SLC19A1: variants seen among roughly 807,000 people sequenced by gnomAD.
SLC19A1 encodes the protein solute carrier family 19 member 1.
In SLC19A1, 37 loss-of-function variants were observed where a neutral mutation model predicts 35.3. That is an observed-to-expected ratio of 1.05 (90% CI 0.81 to 1.38). The LOEUF (loss-of-function observed/expected upper bound fraction) is 1.38. SLC19A1 is among the 40% of genes most tolerant of loss of function. The pLI is 0.00. For missense variants in SLC19A1, 831 were observed against 826.9 expected (o/e 1.00, Z -0.06); for synonymous variants, 460 against 398.5 (o/e 1.15, Z -1.84).
At chr21:45,531,159 C>A (rs187964039) in intron 3 of SLC19A1, among the ~76,000 whole-genome samples, 188 bp from the exon 4 acceptor site, 67 of 124 alleles carry the variant, frequency 0.54, 11 homozygotes, top group African/African-American at 0.58. Context: ...GGGCAGGGGG[C>A]GGGGAGGGGG....
At chr21:45,546,406 G>T (rs535203980), upstream of SLC19A1, among the ~76,000 whole-genome samples, 1 of 152,222 alleles carries the variant, frequency 6.6e-6, no homozygotes, top group African/African-American at 2.4e-5. Context: ...TCCCTGGAAG[G>T]GTGTCCCACC....
At chr21:45,505,846 C>G (rs1291292621) in intron 3 of SLC19A1, 3 of 1,609,036 alleles carry the variant, frequency 1.9e-6, no homozygotes, top group Non-Finnish European at 1.7e-6. Flanking sequence ...AGGTGAGGCT[C>G]TGGGCTACAC....
intron 1 of SLC19A1, among the ~76,000 whole-genome samples, chr21:45,557,734 C>T (rs1428985198): frequency 2.0e-5 from 3 of 152,178 alleles, no homozygotes; most frequent in African/African-American, 7.2e-5. Context: ...GTGTCCTGCG[C>T]TCTGGTGACT....
At chr21:45,528,182 C>T (rs949987137) in intron 4 of SLC19A1, among the ~76,000 whole-genome samples, 3 of 151,760 alleles carry the variant, frequency 2.0e-5, no homozygotes, top group Non-Finnish European at 2.9e-5. Flanking sequence ...GAAGGGCAGA[C>T]GAACAACAGG....
chr21:45,518,590 TAAAG>T (rs1406875856), intron 5 of SLC19A1, among the ~76,000 whole-genome samples: 1 of 151,866 alleles, frequency 6.6e-6, no homozygotes, highest in Non-Finnish European at 1.5e-5. Flanking sequence ...ACGATAAAAA[TAAAG>T]AAAAAATCTT....
intron 3 of SLC19A1, chr21:45,503,817 AAAAT>A (rs1420116751): frequency 3.1e-5 from 12 of 381,284 alleles, no homozygotes. Flanking sequence ...AAATAAAATA[AAAAT>A]AAAAAGGCAC....
chr21:45,523,657 G>C (rs1160291681), intron 5 of SLC19A1, among the ~76,000 whole-genome samples: 5 of 152,214 alleles, frequency 3.3e-5, no homozygotes, highest in African/African-American at 1.2e-4. Flanking sequence ...GGCTGAACAA[G>C]AGGCAGTCAC....
Position 45,515,900 on chromosome 21 carries a change from C to G in SLC19A1, c.1534G>C (p.Gly512Arg), listed in dbSNP as rs1303937194. Reference protein sequence around the residue: ...LSPEDSLGAVGPASLEQRQSD... With the variant: ...LSPEDSLGAVRPASLEQRQSD... ...TGTCTCTGCTCCAGGGAGGCTGGCCCCACAGCCCCCAGGCTGTCTTCTGGG... is the reference window on the plus strand; with the variant it reads ...TGTCTCTGCTCCAGGGAGGCTGGCCGCACAGCCCCCAGGCTGTCTTCTGGG... Residue 512 changes from glycine (G) to arginine (R), a missense_variant, in exon 6 of 6, where the codon GGG becomes CGG. Coordinates refer to ENST00000311124, the MANE Select transcript of SLC19A1 (RefSeq NM_194255.4). 7.1e-6 allele frequency: 11 copies of G among 1,553,248 alleles called. No homozygotes were observed. Among genetic ancestry groups the G allele is most frequent in the South Asian group, 1.2e-5 (1 of 83,424 alleles).
chr21:45,513,448 G>A lies in SLC19A1; in HGVS notation c.*2210C>T, dbSNP rs1034401851. 6.6e-6 allele frequency: 1 copy of A among 152,212 alleles called. No homozygotes were observed. Among genetic ancestry groups the A allele is most frequent in the Non-Finnish European group, 1.5e-5 (1 of 68,050 alleles). The allele number at this position is 152,212 out of a possible 1,614,324, so 9.4% of individuals were successfully genotyped here. A position where few individuals can be genotyped will look rare whatever the true frequency, so the allele number is the denominator to read the frequency against. ...CTTGGGACTGAAGGGGAACCCCGGG[G>A]TGCCCACAGGCCGCCCTGCGGGTGA... On this transcript the variant is annotated 3_prime_UTR_variant, in exon 6 of 6. Coordinates refer to ENST00000311124, the MANE Select transcript of SLC19A1 (RefSeq NM_194255.4).
chr21:45,555,871 C>T (rs891764956), intron 1 of SLC19A1, among the ~76,000 whole-genome samples: 3 of 152,148 alleles, frequency 2.0e-5, no homozygotes, highest in African/African-American at 4.8e-5. Context: ...TCCCTGCGGG[C>T]CCAGTGAGTG....
chr21:45,503,715 A>G (rs1211695206), intron 3 of SLC19A1, among the ~76,000 whole-genome samples: 1 of 151,924 alleles, frequency 6.6e-6, no homozygotes, highest in Non-Finnish European at 1.5e-5. Flanking sequence ...GCAGCACACC[A>G]GCATGGCACA....
At chr21:45,545,386 C>G (rs899075335), upstream of SLC19A1, among the ~76,000 whole-genome samples, 3 of 151,884 alleles carry the variant, frequency 2.0e-5, no homozygotes, top group Non-Finnish European at 1.5e-5. Context: ...CCCCCTTGCC[C>G]TCCCCTCCTC....
chr21:45,537,831 T>C lies in SLC19A1; in HGVS notation c.129A>G (p.Pro43=), dbSNP rs1169444654. 2.5e-6 allele frequency: 4 copies of C among 1,599,398 alleles called. No individual in the cohort carries two copies. Among genetic ancestry groups the C allele is most frequent in the African/African-American group, 1.4e-5 (1 of 72,176 alleles). ...CFYGFMAQIR[P]GESFITPYLL... ...GGTAGGGGGTGATGAAGCTCTCCCCTGGCCGTATCTGCGCCATGAAGCCGT... is the reference window on the plus strand; with the variant it reads ...GGTAGGGGGTGATGAAGCTCTCCCCCGGCCGTATCTGCGCCATGAAGCCGT... Residue 43 remains proline, a synonymous_variant, in exon 2 of 6, where the codon CCA becomes CCG. Coordinates refer to ENST00000311124, the MANE Select transcript of SLC19A1 (RefSeq NM_194255.4).
rs1430991326 is a variant in SLC19A1 at position 45,531,474 on chromosome 21, C to T, written c.864G>A (p.Val288=). 17 of 1,612,706 alleles carry T rather than the reference C, an allele frequency of 1.1e-5. No individual in the cohort carries two copies. Among genetic ancestry groups the T allele is most frequent in the Non-Finnish European group, 1.4e-5 (17 of 1,179,722 alleles). The change falls in exon 3 of 6, where the codon GTG becomes GTA. Residue 288 remains valine, a synonymous_variant. Transcript: ENST00000311124. ...SAGYYLVVYY[V]HILWNEVDPT... ...GGTCCACCTCGTTCCACAGGATGTG[C>T]ACGTAGTAGACCACCAGGTAGTAGC...
rs1425047356 is a variant in SLC19A1, at chr21:45,530,308, G to C, written c.1151+462C>G. Among the ~76,000 whole-genome samples the C allele has an allele frequency of 6.6e-6, 1 of 151,176 alleles. No individual in the cohort carries two copies. The highest frequency in any genetic ancestry group is 1.5e-5 in the Non-Finnish European group (1 of 67,818). On this transcript the variant is annotated intron_variant, in intron 4 of 5. Transcript: ENST00000311124. The surrounding 1 kb of genome is among the most constrained non-coding windows in gnomAD (Gnocchi z 5.3). ...TTGTCCATGTGTGCACGTGTGGTAT[G>C]TGTTCATGAGTGTGTGGTGAGTGTC...
At position 45,531,583 on chromosome 21, in the gene SLC19A1, G is replaced by A. The variant is rs947574093; in HGVS notation, c.755C>T (p.Ala252Val). The change falls in exon 3 of 6, where the codon GCG (alanine) becomes GTG (valine). Residue 252 changes from alanine (A) to valine (V), a missense_variant. Ala to Val is a moderately conservative substitution (Grantham distance 64). Coordinates refer to ENST00000311124, the MANE Select transcript of SLC19A1 (RefSeq NM_194255.4). ...LRVACGDSVL[A>V]RMLRELGDSL... Reference sequence around the variant, plus strand: ...GTCCCCCAGCTCCCGCAGCATCCGCGCCAGCACTGAGTCCCCACAGGCCAC... The same window carrying A: ...GTCCCCCAGCTCCCGCAGCATCCGCACCAGCACTGAGTCCCCACAGGCCAC... 2.5e-6 allele frequency: 4 copies of A among 1,612,330 alleles called. No individual in the cohort carries two copies. Among genetic ancestry groups the A allele is most frequent in the South Asian group, 1.1e-5 (1 of 91,036 alleles).
intron 5 of SLC19A1, among the ~76,000 whole-genome samples, chr21:45,516,782 G>C (rs1446239932): frequency 2.0e-5 from 3 of 152,170 alleles, no homozygotes; most frequent in Non-Finnish European, 4.4e-5. Context: ...GGTTCAGGAG[G>C]CTGCAGTGCC....
In SLC19A1 at chr21:45,558,387, T is replaced by A. The variant is rs113669092; in HGVS notation, c.-50+4355A>T. ...AAATCCCCAGTGGGCCCTTCAATCTTTGAAGGATTCGCCCCATTGTCACTG... is the reference window on the plus strand; with the variant it reads ...AAATCCCCAGTGGGCCCTTCAATCTATGAAGGATTCGCCCCATTGTCACTG... On this transcript the variant is annotated intron_variant, in intron 1 of 5. Transcript: ENST00000650808. 9.2e-3 allele frequency among the ~76,000 whole-genome samples: 1,402 copies of A among 152,270 alleles called. 26 individuals are homozygous for A. Among genetic ancestry groups the A allele is most frequent in the African/African-American group, 0.032 (1,342 of 41,550 alleles).
At chr21:45,509,536 G>A (rs747402422), downstream of SLC19A1, 26 of 1,538,600 alleles carry the variant, frequency 1.7e-5, no homozygotes, top group East Asian at 1.2e-4. Context: ...CAGCTCCTAC[G>A]TGCACCTGCG....
Sources: gnomAD v4.1 joint callset for allele counts (sites outside exome capture counted in the v4.1 genomes callset) on GRCh38, gnomAD v4.1.1 for gene constraint, Gnocchi (gnomAD v3.1) non-coding constraint, MANE v1.5 for transcripts, NCBI Gene and HGNC (gene_info 2026-07-23, HGNC 2026-07-21) for gene names.